Variants in HDAC9 observed in about 807,000 individuals in gnomAD.
The protein encoded by HDAC9 is MEF-2 interacting transcription repressor (MITR) protein.
In HDAC9, 41 loss-of-function variants were observed where a neutral mutation model predicts 139.4. The observed-to-expected ratio is 0.29, with a 90% CI of 0.23 to 0.38. HDAC9 has a LOEUF of 0.38. HDAC9 is among the 10% of genes least tolerant of loss of function. The probability of loss-of-function intolerance (pLI) is 1.00; values close to 1 mark genes in which losing one functional copy is unlikely to be tolerated. For missense variants in HDAC9, 1,147 were observed against 1,297.0 expected (o/e 0.88, Z 1.78); for synonymous variants, 517 against 476.2 (o/e 1.09, Z -1.12).
intron 2 of HDAC9, among the ~76,000 whole-genome samples, chr7:18,544,575 T>C (rs76726043): frequency 0.017 from 2,625 of 152,216 alleles, 84 homozygotes; most frequent in African/African-American, 0.059. Context: ...GCATAGTCTG[T>C]GAAGATACAA....
intron 2 of HDAC9, among the ~76,000 whole-genome samples, chr7:18,508,074 A>G (rs1214426639): frequency 6.6e-6 from 1 of 152,222 alleles, no homozygotes; most frequent in Non-Finnish European, 1.5e-5. Flanking sequence ...ACCATATGAC[A>G]CAGAAGATAC....
At chr7:18,878,071 A>G (rs1799453827) in intron 22 of HDAC9, among the ~76,000 whole-genome samples, 1 of 152,186 alleles carries the variant, frequency 6.6e-6, no homozygotes, top group African/African-American at 2.4e-5. Context: ...TGATTCAGAT[A>G]TAGTTGTCTT....
At chr7:18,706,336 T>C (rs1783917711) in intron 12 of HDAC9, among the ~76,000 whole-genome samples, 2 of 152,194 alleles carry the variant, frequency 1.3e-5, no homozygotes, top group South Asian at 4.1e-4. Flanking sequence ...CTTCGTTGAT[T>C]TTTTTCAATA....
intron 2 of HDAC9, among the ~76,000 whole-genome samples, chr7:18,255,283 G>A (rs1399832930): frequency 1.3e-5 from 2 of 152,172 alleles, no homozygotes; most frequent in Non-Finnish European, 2.9e-5. Flanking sequence ...GAATTGGTCA[G>A]GAGACAGATA....
intron 6 of HDAC9, among the ~76,000 whole-genome samples, chr7:18,629,006 TAATA>T (rs1471372835): frequency 6.6e-6 from 1 of 152,156 alleles, no homozygotes; most frequent in East Asian, 1.9e-4. Flanking sequence ...CAATGAAGTA[TAATA>T]AATCTTACTG....
chr7:18,433,504 T>C (rs796754843), intron 1 of HDAC9, among the ~76,000 whole-genome samples: 3 of 152,228 alleles, frequency 2.0e-5, no homozygotes, highest in Admixed American at 1.3e-4. Flanking sequence ...AAAGCTATAG[T>C]CTCTGCTCAA....
intron 1 of HDAC9, among the ~76,000 whole-genome samples, chr7:18,098,202 G>A (rs748942942): frequency 6.6e-6 from 1 of 152,186 alleles, no homozygotes; most frequent in African/African-American, 2.4e-5. Flanking sequence ...TAGAAAGACA[G>A]GAATTGCTTC....
At chr7:18,453,063 A>C (rs1793026727) in intron 1 of HDAC9, among the ~76,000 whole-genome samples, 1 of 152,190 alleles carries the variant, frequency 6.6e-6, no homozygotes, top group Non-Finnish European at 1.5e-5. Context: ...TATAAAATAA[A>C]TTATAAAGTA....
chr7:18,835,858 G>T (rs1328828699), intron 20 of HDAC9, 42 bp from the exon 21 acceptor site: 5 of 1,324,750 alleles, frequency 3.8e-6, no homozygotes, highest in Non-Finnish European at 4.2e-6. Flanking sequence ...TCTTCCATTT[G>T]CTCTCTTCTC....
intron 1 of HDAC9, among the ~76,000 whole-genome samples, chr7:18,408,333 G>T (rs1483961429): frequency 2.0e-5 from 3 of 152,178 alleles, no homozygotes; most frequent in Admixed American, 1.3e-4. Flanking sequence ...GAGAATGAAT[G>T]AATGAATGAA....
At chr7:18,411,601 T>TTG (rs1412167910) in intron 1 of HDAC9, among the ~76,000 whole-genome samples, 1 of 152,130 alleles carries the variant, frequency 6.6e-6, no homozygotes, top group African/African-American at 2.4e-5. Flanking sequence ...GGTCTTGATC[T>TTG]CCTGACCTCG....
At chr7:18,992,157 C>T (rs1420370040) in intron 25 of HDAC9, among the ~76,000 whole-genome samples, 3 of 152,112 alleles carry the variant, frequency 2.0e-5, no homozygotes, top group Non-Finnish European at 2.9e-5. Flanking sequence ...GAATGTATAC[C>T]AAAGACATTC....
intron 17 of HDAC9, among the ~76,000 whole-genome samples, chr7:18,828,722 A>G (rs1039606205): frequency 6.6e-6 from 1 of 152,170 alleles, no homozygotes; most frequent in Non-Finnish European, 1.5e-5. Context: ...ATAACCATCA[A>G]GGAGATCCAG....
At chr7:18,167,529 G>A (rs1051794145) in intron 2 of HDAC9, among the ~76,000 whole-genome samples, 8 of 152,034 alleles carry the variant, frequency 5.3e-5, no homozygotes, top group South Asian at 2.1e-4. Flanking sequence ...GTTATTTCTC[G>A]TTCATATAAA....
chr7:18,855,283 G>C (rs531267244), intron 21 of HDAC9, among the ~76,000 whole-genome samples: 2 of 152,194 alleles, frequency 1.3e-5, no homozygotes, highest in East Asian at 1.9e-4. Context: ...GTGACCTAGC[G>C]TAGTGTTATT....
rs1234731749 is a variant in HDAC9, at chr7:18,297,164, G to C, written c.-42+6649G>C. Among the ~76,000 whole-genome samples the C allele has an allele frequency of 1.3e-5, 2 of 152,152 alleles. 1 individual carries two copies. Among genetic ancestry groups the C allele is most frequent in the East Asian group, 3.9e-4 (2 of 5,190 alleles). On this transcript the variant is annotated intron_variant, in intron 1 of 3. Transcript: ENST00000413509. ...AAGAAACCTGGGGACAAAAAGCTTAGGGAATGCCCATAGCTAATGGTGGTA... is the reference window on the plus strand; with the variant it reads ...AAGAAACCTGGGGACAAAAAGCTTACGGAATGCCCATAGCTAATGGTGGTA...
At chr7:18,191,475 A>G (rs565171972) in intron 2 of HDAC9, among the ~76,000 whole-genome samples, 5 of 152,350 alleles carry the variant, frequency 3.3e-5, no homozygotes, top group African/African-American at 1.2e-4. Flanking sequence ...ATGATTTTAG[A>G]CAAACCCAGA....
intron 2 of HDAC9, among the ~76,000 whole-genome samples, chr7:18,199,690 G>T (rs1214820409): frequency 6.7e-6 from 1 of 150,056 alleles, no homozygotes; most frequent in African/African-American, 2.5e-5. Context: ...GCTGAGGCAG[G>T]AGGGCTGCTT....
At chr7:18,241,800 G>T (rs961461118) in intron 2 of HDAC9, among the ~76,000 whole-genome samples, 1 of 152,138 alleles carries the variant, frequency 6.6e-6, no homozygotes, top group African/African-American at 2.4e-5. Context: ...ATATGCTGAA[G>T]AAAAGAGAGT....
Sources: gnomAD v4.1 joint callset for allele counts (sites outside exome capture counted in the v4.1 genomes callset) on GRCh38, gnomAD v4.1.1 for gene constraint, MANE v1.5 for transcripts, NCBI Gene and HGNC (gene_info 2026-07-23, HGNC 2026-07-21) for gene names.